Variants in ITGB8 observed in about 807,000 individuals in gnomAD.
ITGB8 encodes integrin subunit beta 8, also known as integrin beta-8.
ITGB8 carries 30 observed loss-of-function variants against 89.5 expected under a neutral mutation model. That is an observed-to-expected ratio of 0.34 (90% CI 0.25 to 0.45). ITGB8 has a LOEUF of 0.45. Among genes scored for constraint, ITGB8 ranks in the 20% least tolerant of loss-of-function variants. The pLI is 1.00. For missense variants in ITGB8, 836 were observed against 933.3 expected (o/e 0.90, Z 1.36); for synonymous variants, 335 against 320.4 (o/e 1.05, Z -0.49).
intron 1 of ITGB8, 136 bp downstream of exon 1, chr7:20,332,069 A>G (rs1784421474): frequency 3.4e-6 from 5 of 1,454,010 alleles, no homozygotes; most frequent in Admixed American, 2.4e-5. Flanking sequence ...GGTGCGGGGC[A>G]GCGTCCTCCA....
intron 6 of ITGB8, among the ~76,000 whole-genome samples, chr7:20,385,064 G>C (rs1786551798): frequency 6.6e-6 from 1 of 152,176 alleles, no homozygotes; most frequent in Non-Finnish European, 1.5e-5. Context: ...TTAATACTGA[G>C]GGTTTGGAAT....
At chr7:20,358,716 T>G (rs1481178650) in intron 1 of ITGB8, among the ~76,000 whole-genome samples, 1 of 152,174 alleles carries the variant, frequency 6.6e-6, no homozygotes, top group African/African-American at 2.4e-5. Context: ...AGTATTTTTT[T>G]TAAACTTTTA....
At chr7:20,355,152 C>G (rs1439917257) in intron 1 of ITGB8, among the ~76,000 whole-genome samples, 1 of 152,202 alleles carries the variant, frequency 6.6e-6, no homozygotes, top group Non-Finnish European at 1.5e-5. Flanking sequence ...TCAACCCGCT[C>G]CAACCCCACT....
intron 3 of ITGB8, among the ~76,000 whole-genome samples, chr7:20,370,591 A>ACT (rs1481323107): frequency 2.9e-4 from 32 of 109,836 alleles, no homozygotes; most frequent in Middle Eastern, 0.011. Context: ...TTATTTATTT[A>ACT]TTTACTTATT....
At chr7:20,347,471 G>A (rs1303034350) in intron 1 of ITGB8, among the ~76,000 whole-genome samples, 3 of 152,154 alleles carry the variant, frequency 2.0e-5, no homozygotes, top group Non-Finnish European at 4.4e-5. Flanking sequence ...CCATGGGAAT[G>A]GAAATAGGGA....
At chr7:20,371,571 T>A (rs763955988) in intron 3 of ITGB8, among the ~76,000 whole-genome samples, 2 of 152,078 alleles carry the variant, frequency 1.3e-5, no homozygotes, top group Non-Finnish European at 2.9e-5. Flanking sequence ...TAATAGAAAA[T>A]ACGAATAAAT....
rs530078174 is a variant in ITGB8, at chr7:20,347,119, C to T, written c.127+15186C>T. ...CTATGAGGAAGGCTCCCTCGCCATACCACCACATCTGTTGCTGCCTTTGTC... is the reference window on the plus strand; with the variant it reads ...CTATGAGGAAGGCTCCCTCGCCATATCACCACATCTGTTGCTGCCTTTGTC... On this transcript the variant is annotated intron_variant, in intron 1 of 13. Coordinates refer to ENST00000222573, the MANE Select transcript of ITGB8 (RefSeq NM_002214.3). Among the ~76,000 whole-genome samples, 8 of 152,312 alleles carry T rather than the reference C, an allele frequency of 5.3e-5. No homozygotes were observed. In the South Asian group the frequency reaches 1.7e-3, roughly 32 times the overall value.
At chr7:20,371,146 TGTTA>T (rs1279191848) in intron 3 of ITGB8, among the ~76,000 whole-genome samples, 4 of 152,136 alleles carry the variant, frequency 2.6e-5, no homozygotes, top group Non-Finnish European at 1.5e-5. Flanking sequence ...TAAAACATAT[TGTTA>T]TCTCAATAGA....
intron 1 of ITGB8, among the ~76,000 whole-genome samples, chr7:20,360,591 G>A (rs902612944): frequency 3.9e-5 from 6 of 151,948 alleles, no homozygotes; most frequent in African/African-American, 9.7e-5. Flanking sequence ...TAAGTAACAC[G>A]TACTGTTTGG....
intron 10 of ITGB8, among the ~76,000 whole-genome samples, chr7:20,402,916 G>A (rs1463593041): frequency 1.3e-5 from 2 of 152,152 alleles, no homozygotes; most frequent in South Asian, 2.1e-4. Context: ...TGTCATCTGA[G>A]TTCTGTGATA....
At chr7:20,375,027 T>C (rs1278542255) in intron 3 of ITGB8, among the ~76,000 whole-genome samples, 3 of 152,314 alleles carry the variant, frequency 2.0e-5, no homozygotes, top group East Asian at 1.9e-4. Context: ...TATTCTGGCA[T>C]GCTAGAGTTC....
intron 1 of ITGB8, among the ~76,000 whole-genome samples, chr7:20,349,366 T>A (rs1331610577): frequency 6.6e-6 from 1 of 151,640 alleles, no homozygotes; most frequent in Admixed American, 6.6e-5. Flanking sequence ...TTTTTGACAT[T>A]ACTTTCAATG....
At chr7:20,403,190 A>G (rs925997312) in intron 10 of ITGB8, among the ~76,000 whole-genome samples, 1 of 152,184 alleles carries the variant, frequency 6.6e-6, no homozygotes, top group African/African-American at 2.4e-5. Context: ...ACATTTATTC[A>G]ACTGTAACTG....
At chr7:20,360,795 T>C (rs1418803631) in intron 1 of ITGB8, among the ~76,000 whole-genome samples, 2 of 152,134 alleles carry the variant, frequency 1.3e-5, no homozygotes, top group African/African-American at 4.8e-5. Flanking sequence ...TTGTGAATTG[T>C]ACTGTGATAA....
chr7:20,389,629 C>A (rs1786772866), intron 6 of ITGB8, among the ~76,000 whole-genome samples: 1 of 152,144 alleles, frequency 6.6e-6, no homozygotes, highest in Non-Finnish European at 1.5e-5. Flanking sequence ...GAATGCTTAG[C>A]AAGCTGTGAC....
In ITGB8 at chr7:20,409,671, T is replaced by C. The variant is rs372866371; in HGVS notation, c.2080T>C (p.Phe694Leu). 4 of 1,611,538 alleles carry C rather than the reference T, an allele frequency of 2.5e-6. No homozygotes were observed. Among genetic ancestry groups the C allele is most frequent in the Non-Finnish European group, 3.4e-6 (4 of 1,178,564 alleles). ...RIFFIIFIVTFLIGLLKVLII... is the reference protein window; with the variant it reads ...RIFFIIFIVTLLIGLLKVLII... ...ATTTTTCATCATTTTCATAGTTACA[T>C]TCTTGATTGGGTTGCTTAAAGTCCT... Residue 694 changes from phenylalanine to leucine, a missense_variant, in exon 13 of 14, where the codon TTC (phenylalanine) becomes CTC (leucine). Phe to Leu is a conservative substitution (Grantham distance 22). Around this residue, in one of 5 missense-constraint regions of ITGB8, gnomAD observed 422 missense variants for 416.9 expected, o/e 1.01. Transcript: ENST00000222573.
chr7:20,401,131 A>G (rs2127982089), intron 9 of ITGB8, among the ~76,000 whole-genome samples: 1 of 152,162 alleles, frequency 6.6e-6, no homozygotes, highest in Admixed American at 6.5e-5. Flanking sequence ...GGTGCGCGCC[A>G]CCATGCTCAG....
At chr7:20,333,521 G>A (rs371457174) in intron 1 of ITGB8, among the ~76,000 whole-genome samples, 2 of 152,108 alleles carry the variant, frequency 1.3e-5, no homozygotes, top group African/African-American at 2.4e-5. Flanking sequence ...TGTTCCCAAC[G>A]TACAGGCAAA....
intron 1 of ITGB8, among the ~76,000 whole-genome samples, chr7:20,348,460 C>A (rs117773972): frequency 2.0e-5 from 3 of 152,212 alleles, no homozygotes; most frequent in Admixed American, 6.5e-5. Context: ...GCCTCTGGCT[C>A]CTCTTGAATT....
Sources: gnomAD v4.1 joint callset for allele counts (sites outside exome capture counted in the v4.1 genomes callset) on GRCh38, gnomAD v4.1.1 for gene constraint, gnomAD v4.1.1 regional missense constraint, MANE v1.5 for transcripts, NCBI Gene and HGNC (gene_info 2026-07-23, HGNC 2026-07-21) for gene names.